Variants in TNS4 observed in about 807,000 individuals in gnomAD.
TNS4 encodes the protein tensin 4, also known as tensin-4.
A neutral mutation model predicts 70.4 loss-of-function variants in TNS4; 46 were observed. The ratio of observed to expected loss-of-function variants is 0.65; its 90% CI spans 0.52 to 0.84. The LOEUF (loss-of-function observed/expected upper bound fraction) is 0.84, where lower values mean the gene tolerates loss of function less well. Among genes scored for constraint, TNS4 ranks in the 40% least tolerant of loss-of-function variants. The pLI is 0.00. For missense variants in TNS4, 863 were observed against 907.0 expected (o/e 0.95, Z 0.62); for synonymous variants, 390 against 366.6 (o/e 1.06, Z -0.73).
At chr17:40,496,667 C>T (rs560332574) in intron 1 of TNS4, 147 bp from the exon 2 acceptor site, 3 of 538,448 alleles carry the variant, frequency 5.6e-6, no homozygotes, top group African/African-American at 3.9e-5. Context: ...GGCTCCACCA[C>T]CTACTAGCTG....
At chr17:40,485,088 C>A in intron 4 of TNS4, 81 bp from the exon 5 acceptor site, 1 of 1,236,828 alleles carries the variant, frequency 8.1e-7, no homozygotes, top group Non-Finnish European at 1.2e-6. Flanking sequence ...GGCTGGAGAC[C>A]CTTCCCTACT....
chr17:40,488,944 G>T lies in TNS4; in HGVS notation c.465C>A (p.Ser155=). ...GGCCATCGTGGCACCTTGATCTGGC[G>T]GAGGTCACCTCGATGTACTTTATGT... The part of the protein sequence containing the change: ...ALDIKYIEVT[S]ARSRCHDGPQ... Residue 155 remains serine (S), a synonymous_variant, in exon 3 of 13, where the codon TCC becomes TCA. Coordinates refer to ENST00000254051, the MANE Select transcript of TNS4 (RefSeq NM_032865.6). 6.3e-7 allele frequency: 1 copy of T among 1,594,030 alleles called. No homozygotes were observed. The highest frequency in any genetic ancestry group is 8.5e-7 in the Non-Finnish European group (1 of 1,172,480).
rs1250606944 is a variant in TNS4 at position 40,479,852 on chromosome 17, G to T, written c.1742-10C>A. 5 of 1,604,312 alleles carry T rather than the reference G, an allele frequency of 3.1e-6. No homozygotes were observed. In the African/African-American group the frequency reaches 6.7e-5, roughly 21 times the overall value. On this transcript the variant is annotated splice_polypyrimidine_tract_variant and intron_variant, in intron 9 of 12. Transcript: ENST00000254051. ...TACAGGGTGTGGCAGCCTGTGGGAG[G>T]CAGACACTGCGCTGGGGCCACTGAC... is the stretch of plus-strand genomic sequence containing the variant.
chr17:40,481,985 G>T, intron 8 of TNS4, 144 bp downstream of exon 8: 2 of 852,274 alleles, frequency 2.3e-6, no homozygotes, highest in Non-Finnish European at 3.6e-6. Flanking sequence ...CAGCTAGGAG[G>T]TGGAGATGTT....
At chr17:40,498,108 A>G (rs957157951) in intron 1 of TNS4, among the ~76,000 whole-genome samples, 4 of 151,976 alleles carry the variant, frequency 2.6e-5, no homozygotes, top group African/African-American at 7.2e-5. Context: ...AGCCCCCACC[A>G]ACACCCCCCA....
Position 40,478,584 on chromosome 17 carries a change from G to T in TNS4, c.1975C>A (p.Arg659=). ...TTGGCCCAGCCTTGAACTTACTTCC[G>T]TTGCTCAGGGTCCATACCACAGAAG... is the stretch of plus-strand genomic sequence containing the variant. ...LRFCGMDPEQ[R]KWQKYCKPSW... The change falls in exon 11 of 13, where the codon CGG becomes AGG. Residue 659 remains arginine, a synonymous_variant. Transcript: ENST00000254051. The T allele has an allele frequency of 6.2e-7, 1 of 1,614,144 alleles. No individual in the cohort carries two copies. The highest frequency in any genetic ancestry group is 8.5e-7 in the Non-Finnish European group (1 of 1,179,984).
intron 1 of TNS4, among the ~76,000 whole-genome samples, chr17:40,498,158 C>A (rs1327612660): frequency 6.6e-6 from 1 of 152,140 alleles, no homozygotes; most frequent in Admixed American, 6.6e-5. Flanking sequence ...TCCTTTACGT[C>A]CTGTTTTGGA....
chr17:40,478,516 G>C (rs2035879427), intron 11 of TNS4, 64 bp downstream of exon 11: 1 of 1,597,990 alleles, frequency 6.3e-7, no homozygotes, highest in East Asian at 2.2e-5. Context: ...AGAGTCGGCA[G>C]GACGCCTTGG....
intron 4 of TNS4, among the ~76,000 whole-genome samples, chr17:40,486,746 C>T (rs950143813): frequency 6.6e-6 from 1 of 152,134 alleles, no homozygotes; most frequent in African/African-American, 2.4e-5. Flanking sequence ...TTCCCAGATC[C>T]AGCTCGGATG....
intron 2 of TNS4, among the ~76,000 whole-genome samples, chr17:40,492,280 G>A (rs1009907538): frequency 1.3e-5 from 2 of 152,170 alleles, no homozygotes; most frequent in Non-Finnish European, 2.9e-5. Flanking sequence ...GAGCCATCAC[G>A]TACCCACCCC....
chr17:40,492,595 GTTTTTTTT>G (rs1193528841), intron 2 of TNS4, among the ~76,000 whole-genome samples: 1 of 126,762 alleles, frequency 7.9e-6, no homozygotes, highest in Non-Finnish European at 1.7e-5. Flanking sequence ...ACATGGACTA[GTTTTTTTT>G]TTTTTTTTTT....
intron 3 of TNS4, 121 bp downstream of exon 3, chr17:40,488,425 G>T: frequency 1.1e-6 from 1 of 894,132 alleles, no homozygotes; most frequent in Non-Finnish European, 1.6e-6. Context: ...ATTTGCTTCT[G>T]GTTTTGGTGC....
At chr17:40,480,940 T>C (rs904849323) in intron 8 of TNS4, 172 bp from the exon 9 acceptor site, 1 of 690,094 alleles carries the variant, frequency 1.4e-6, no homozygotes, top group Non-Finnish European at 2.4e-6. Flanking sequence ...ACAGGCCACT[T>C]TGGGCTCCCT....
intron 8 of TNS4, 39 bp downstream of exon 8, chr17:40,482,090 C>T: frequency 6.2e-7 from 1 of 1,607,680 alleles, no homozygotes; most frequent in Non-Finnish European, 8.5e-7. Flanking sequence ...ACAAACAGGT[C>T]CCCCACCTTG....
intron 6 of TNS4, 80 bp from the exon 7 acceptor site, chr17:40,482,496 C>G: frequency 7.1e-7 from 1 of 1,410,556 alleles, no homozygotes; most frequent in Non-Finnish European, 9.9e-7. Context: ...GTAATCCCAG[C>G]ACTTTGGGAG....
At chr17:40,483,519 T>G (rs1286198319) in intron 6 of TNS4, among the ~76,000 whole-genome samples, 2 of 152,108 alleles carry the variant, frequency 1.3e-5, no homozygotes, top group Non-Finnish European at 2.9e-5. Context: ...TCTTAATTAT[T>G]TAGATAAATG....
At chr17:40,486,994 C>T (rs1597693894) in intron 4 of TNS4, 42 bp downstream of exon 4, 5 of 1,598,356 alleles carry the variant, frequency 3.1e-6, no homozygotes, top group Non-Finnish European at 3.4e-6. Context: ...TTTGTCTATT[C>T]CCCAAATCTT....
intron 11 of TNS4, 112 bp from the exon 12 acceptor site, chr17:40,478,445 A>C (rs2035878386): frequency 4.0e-5 from 61 of 1,523,968 alleles, no homozygotes; most frequent in Non-Finnish European, 5.4e-5. Context: ...GCCCCACCCT[A>C]CCCTCATTCT....
chr17:40,483,635 T>C (rs1442460654), intron 6 of TNS4, among the ~76,000 whole-genome samples: 1 of 152,208 alleles, frequency 6.6e-6, no homozygotes, highest in East Asian at 1.9e-4. Flanking sequence ...TTCTGACTCC[T>C]TTCCACCAGT....
Sources: gnomAD v4.1 joint callset for allele counts (sites outside exome capture counted in the v4.1 genomes callset) on GRCh38, gnomAD v4.1.1 for gene constraint, MANE v1.5 for transcripts, NCBI Gene and HGNC (gene_info 2026-07-23, HGNC 2026-07-21) for gene names.